TRIM71: variants seen among roughly 807,000 people sequenced by gnomAD.
TRIM71 encodes the protein E3 ubiquitin-protein ligase TRIM71.
A neutral mutation model predicts 61.2 loss-of-function variants in TRIM71; 9 were observed. That is an observed-to-expected ratio of 0.15 (90% confidence interval 0.09 to 0.26). The LOEUF is 0.26. Among genes scored for constraint, TRIM71 ranks in the 10% least tolerant of loss-of-function variants. The pLI is 1.00. For missense variants in TRIM71, 998 were observed against 1,238.7 expected (o/e 0.81, Z 2.92); for synonymous variants, 645 against 553.2 (o/e 1.17, Z -2.33).
At chr3:32,823,789 TA>T (rs1696167250) in intron 1 of TRIM71, among the ~76,000 whole-genome samples, 1 of 147,062 alleles carries the variant, frequency 6.8e-6, no homozygotes, top group Non-Finnish European at 1.5e-5. Flanking sequence ...GAAATCTTCC[TA>T]AAAGTGTTTG....
chr3:32,881,713 C>T (rs1299022516), intron 2 of TRIM71, among the ~76,000 whole-genome samples: 1 of 152,076 alleles, frequency 6.6e-6, no homozygotes, highest in Non-Finnish European at 1.5e-5. Context: ...GGAAGTTTAC[C>T]CAGCCTTTCT....
chr3:32,823,677 C>T (rs1696165218), intron 1 of TRIM71, among the ~76,000 whole-genome samples: 1 of 152,198 alleles, frequency 6.6e-6, no homozygotes, highest in Non-Finnish European at 1.5e-5. Flanking sequence ...TGGGGAAACC[C>T]AGGAGGCGGA....
At chr3:32,830,865 C>G (rs940280418) in intron 1 of TRIM71, among the ~76,000 whole-genome samples, 10 of 152,160 alleles carry the variant, frequency 6.6e-5, no homozygotes, top group Non-Finnish European at 1.3e-4. Flanking sequence ...AACTGGAGTG[C>G]AGTGGTGCAA....
chr3:32,855,475 C>T (rs929987751), intron 1 of TRIM71, among the ~76,000 whole-genome samples: 1 of 152,128 alleles, frequency 6.6e-6, no homozygotes, highest in Non-Finnish European at 1.5e-5. Flanking sequence ...GGGGGAGCCT[C>T]TGGAGGGTTT....
chr3:32,819,425 T>TTG (rs1180854588), intron 1 of TRIM71, among the ~76,000 whole-genome samples: 2 of 152,158 alleles, frequency 1.3e-5, no homozygotes, highest in African/African-American at 2.4e-5. Context: ...TGCGTGGAGT[T>TTG]TGTGTGCCTC....
intron 2 of TRIM71, among the ~76,000 whole-genome samples, chr3:32,883,511 C>T (rs368387031): frequency 6.6e-6 from 1 of 152,334 alleles, no homozygotes; most frequent in Admixed American, 6.5e-5. Context: ...CTTCACGTGG[C>T]TTTGTTCTCT....
intron 1 of TRIM71, among the ~76,000 whole-genome samples, chr3:32,859,637 G>A (rs919869043): frequency 4.6e-5 from 7 of 152,132 alleles, no homozygotes; most frequent in African/African-American, 1.7e-4. Context: ...TCTTCTGATT[G>A]TATCTTATTA....
chr3:32,857,144 C>A (rs1255890225), intron 1 of TRIM71, among the ~76,000 whole-genome samples: 3 of 152,230 alleles, frequency 2.0e-5, no homozygotes, highest in African/African-American at 2.4e-5. Context: ...CACTTCTCTT[C>A]AGGAGCTTTC....
At position 32,821,492 on chromosome 3, in the gene TRIM71, T is replaced by C. The variant is rs535884024; in HGVS notation, c.852+2560T>C. Among the ~76,000 whole-genome samples the C allele has an allele frequency of 4.5e-4, 68 of 152,294 alleles. 3 individuals are homozygous for C. In the South Asian group the frequency reaches 0.013, roughly 30 times the overall value. On this transcript the variant is annotated intron_variant, in intron 1 of 3. Coordinates refer to ENST00000383763, the MANE Select transcript of TRIM71 (RefSeq NM_001039111.3). ...CCCCTTGTAAAATGCCTTCTTAGGA[T>C]TGGCAAGTAAGGTGTCTCGTCTGAG...
At chr3:32,885,894 CCTT>C (rs567110985) in intron 2 of TRIM71, 37 bp from the exon 3 acceptor site, 14 of 1,596,372 alleles carry the variant, frequency 8.8e-6, no homozygotes, top group Non-Finnish European at 1.2e-5. Context: ...GAATGACAGT[CCTT>C]CTAATGCCTC....
chr3:32,836,233 C>T (rs1156974338), intron 1 of TRIM71, among the ~76,000 whole-genome samples: 1 of 152,076 alleles, frequency 6.6e-6, no homozygotes, highest in Non-Finnish European at 1.5e-5. Context: ...TCCTCCCTCC[C>T]CACCCCTCCC....
At chr3:32,841,535 G>A (rs1023828385) in intron 1 of TRIM71, among the ~76,000 whole-genome samples, 4 of 151,984 alleles carry the variant, frequency 2.6e-5, no homozygotes, top group Non-Finnish European at 5.9e-5. Context: ...TTAGCTGGGC[G>A]TGGTGGCGTG....
At chr3:32,863,562 G>A (rs942577537) in intron 1 of TRIM71, among the ~76,000 whole-genome samples, 5 of 151,968 alleles carry the variant, frequency 3.3e-5, no homozygotes, top group Non-Finnish European at 2.9e-5. Flanking sequence ...TTTCTTCCAC[G>A]TTGAGTTTTA....
intron 1 of TRIM71, among the ~76,000 whole-genome samples, chr3:32,854,869 C>T (rs1384999096): frequency 2.6e-5 from 4 of 152,144 alleles, no homozygotes; most frequent in South Asian, 2.1e-4. Context: ...GTGAACAAGA[C>T]GGAAAAGTCA....
Position 32,890,644 on chromosome 3 carries a change from C to T in TRIM71, c.1440C>T (p.Ser480=), listed in dbSNP as rs753096691. The change falls in exon 4 of 4, where the codon AGC becomes AGT. Residue 480 remains serine (S), a synonymous_variant. Transcript: ENST00000383763. This position sits in a 1 kb window ranked among gnomAD's most constrained non-coding sequence, Gnocchi z 6.2. ...TCAAGTCTTTTGGCTTTGTTAGCAG[C>T]GGGGCCTTTGCCCCACTCACCAAGG... ...LAIKSFGFVS[S]GAFAPLTKAT... 25 of 1,613,786 alleles carry T rather than the reference C, an allele frequency of 1.5e-5. No homozygotes were observed. Among genetic ancestry groups the T allele is most frequent in the African/African-American group, 9.3e-5 (7 of 74,944 alleles).
intron 1 of TRIM71, among the ~76,000 whole-genome samples, chr3:32,823,634 A>G (rs1301118711): frequency 6.7e-6 from 1 of 150,356 alleles, no homozygotes; most frequent in African/African-American, 2.5e-5. Flanking sequence ...TATCATTGAC[A>G]TTGTTTTCAA....
chr3:32,879,677 A>G (rs1312439383), intron 2 of TRIM71, among the ~76,000 whole-genome samples: 1 of 151,956 alleles, frequency 6.6e-6, no homozygotes, highest in Non-Finnish European at 1.5e-5. Context: ...TTTCTTAAAA[A>G]AAAAAAAAAA....
intron 1 of TRIM71, among the ~76,000 whole-genome samples, chr3:32,863,593 G>T (rs1696698142): frequency 6.6e-6 from 1 of 152,090 alleles, no homozygotes; most frequent in African/African-American, 2.4e-5. Flanking sequence ...TTAATAAATG[G>T]AGTTATGCAA....
rs71068090 is a variant in TRIM71 at position 32,826,582 on chromosome 3, C to CTTTTTTTTTTTTTTTTTTTTT, written c.852+7652_852+7672dup. Reference sequence around the variant, plus strand: ...AACTTTAATTCCCATCAGGTGAGTTCTTTTTTTTTTTTTTTTTTTTTTGAG... The same window carrying CTTTTTTTTTTTTTTTTTTTTT: ...AACTTTAATTCCCATCAGGTGAGTTCTTTTTTTTTTTTTTTTTTTTTTTTTTTTTTTTTTTTTTTTTTTGAG... On this transcript the variant is annotated intron_variant, in intron 1 of 3. Transcript: ENST00000383763. Among the ~76,000 whole-genome samples the CTTTTTTTTTTTTTTTTTTTTT allele has an allele frequency of 4.8e-5, 4 of 83,092 alleles. 1 individual carries two copies. The highest frequency in any genetic ancestry group is 1.8e-4 in the Admixed American group (1 of 5,476). The allele number at this position is 83,092 out of a possible 152,430, so 54.5% of individuals were successfully genotyped here.
Sources: gnomAD v4.1 joint callset for allele counts (sites outside exome capture counted in the v4.1 genomes callset) on GRCh38, gnomAD v4.1.1 for gene constraint, Gnocchi (gnomAD v3.1) non-coding constraint, MANE v1.5 for transcripts, NCBI Gene and HGNC (gene_info 2026-07-23, HGNC 2026-07-21) for gene names.